ADAP1: variants seen among roughly 807,000 people sequenced by gnomAD.
The protein encoded by ADAP1 is ArfGAP with dual PH domains 1.
ADAP1 carries 31 observed loss-of-function variants against 54.9 expected under a neutral mutation model. That is an observed-to-expected ratio of 0.56 (90% CI 0.42 to 0.76). The LOEUF is 0.76. ADAP1 is among the 30% of genes least tolerant of loss of function. The pLI is 0.00. For synonymous variants in ADAP1, 313 were observed against 202.6 expected (o/e 1.55, Z -4.63); for missense variants, 535 against 512.4 (o/e 1.04, Z -0.42).
rs61000036 is a variant in ADAP1, at chr7:906,526, G to GA, written c.389-1355_389-1354insT. On this transcript the variant is annotated intron_variant, in intron 4 of 10. Coordinates refer to ENST00000265846, the MANE Select transcript of ADAP1 (RefSeq NM_006869.4). Reference sequence around the variant, plus strand: ...AAGGGAGAAAGGAGAAAGGAGAAAGGGAAAGGAGAAAGGAGAAGGGAGAAA... The same window carrying GA: ...AAGGGAGAAAGGAGAAAGGAGAAAGGAGAAAGGAGAAAGGAGAAGGGAGAAA... 6.9e-4 allele frequency among the ~76,000 whole-genome samples: 18 copies of GA among 26,228 alleles called. 2 individuals carry two copies. Among genetic ancestry groups the GA allele is most frequent in the Non-Finnish European group, 8.8e-4 (12 of 13,592 alleles). The allele number at this position is 26,228 out of a possible 152,430, so 17.2% of individuals were successfully genotyped here. A position where few individuals can be genotyped will look rare whatever the true frequency, so the allele number is the denominator to read the frequency against.
chr7:908,299 C>T (rs762553937), intron 4 of ADAP1, among the ~76,000 whole-genome samples: 10 of 152,216 alleles, frequency 6.6e-5, no homozygotes, highest in Non-Finnish European at 1.0e-4. Context: ...AGCCCCATCC[C>T]GACACCAGAG....
At chr7:906,492 G>T (rs1251241044) in intron 4 of ADAP1, among the ~76,000 whole-genome samples, 8 of 6,612 alleles carry the variant, frequency 1.2e-3, no homozygotes, top group South Asian at 7.8e-3. Flanking sequence ...AGGAGAAAGG[G>T]AAAGGAGAAA....
In ADAP1 at chr7:909,959, T is replaced by C. The variant is rs1450014612; in HGVS notation, c.389-4787A>G. 2.0e-5 allele frequency among the ~76,000 whole-genome samples: 3 copies of C among 152,154 alleles called. No individual in the cohort carries two copies. In the East Asian group the frequency reaches 5.8e-4, roughly 29 times the overall value. On this transcript the variant is annotated intron_variant, in intron 4 of 10. Transcript: ENST00000265846. ...GGAGCTGGGTCCAGTCCACACCCCA[T>C]GCCCTGCTCAGACGCCTCTGAGGAG...
intron 4 of ADAP1, among the ~76,000 whole-genome samples, chr7:913,341 C>T (rs2128101802): frequency 6.6e-6 from 1 of 151,964 alleles, no homozygotes; most frequent in South Asian, 2.1e-4. Context: ...GCTGGGACTA[C>T]AGGCGCCCGC....
At chr7:918,694 G>A (rs536333254) in intron 4 of ADAP1, among the ~76,000 whole-genome samples, 26 of 152,318 alleles carry the variant, frequency 1.7e-4, no homozygotes, top group African/African-American at 6.0e-4. Flanking sequence ...AGGCCCTAGG[G>A]CTAGGCTTGC....
chr7:904,634 G>C (rs928582861), intron 5 of ADAP1, among the ~76,000 whole-genome samples: 2 of 152,238 alleles, frequency 1.3e-5, no homozygotes, highest in African/African-American at 2.4e-5. Context: ...GGGTGCTTCT[G>C]ACCATCAGCC....
intron 4 of ADAP1, among the ~76,000 whole-genome samples, chr7:906,078 GGGAAA>G (rs1180705266): frequency 2.4e-4 from 4 of 16,602 alleles, no homozygotes; most frequent in African/African-American, 5.9e-4. Flanking sequence ...AAAGGAGAAA[GGGAAA>G]GGAGAAAGGG....
chr7:942,442 A>G (rs1846972472), intron 1 of ADAP1, among the ~76,000 whole-genome samples: 1 of 73,744 alleles, frequency 1.4e-5, no homozygotes, highest in African/African-American at 5.1e-5. Context: ...GAAGGGAGAG[A>G]GGAGGAGGAA....
intron 6 of ADAP1, among the ~76,000 whole-genome samples, chr7:903,608 G>T (rs887244192): frequency 2.0e-5 from 3 of 152,094 alleles, no homozygotes; most frequent in Non-Finnish European, 4.4e-5. Flanking sequence ...AGCTTTTGTG[G>T]GGGTTTTACC....
intron 4 of ADAP1, among the ~76,000 whole-genome samples, chr7:905,778 A>AAAGGG (rs1845222251): frequency 5.0e-5 from 1 of 20,154 alleles, no homozygotes; most frequent in African/African-American, 1.5e-4. Flanking sequence ...AGGAGAAAGG[A>AAAGGG]GAAAGGAGAA....
intron 4 of ADAP1, among the ~76,000 whole-genome samples, chr7:919,444 A>C (rs1277978910): frequency 6.6e-6 from 1 of 151,948 alleles, no homozygotes; most frequent in African/African-American, 2.4e-5. Flanking sequence ...CGTCACTCAG[A>C]GGGCAAAACA....
In ADAP1 at chr7:945,844, C is replaced by A; in HGVS notation, c.82+8552G>T. 2.0e-6 allele frequency: 2 copies of A among 985,578 alleles called. No individual in the cohort carries two copies. Among genetic ancestry groups the A allele is most frequent in the Non-Finnish European group, 2.4e-6 (2 of 829,996 alleles). The allele number at this position is 985,578 out of a possible 1,614,324, so 61.1% of individuals were successfully genotyped here. A position where few individuals can be genotyped will look rare whatever the true frequency, so the allele number is the denominator to read the frequency against. On this transcript the variant is annotated intron_variant, in intron 1 of 10. Coordinates refer to ENST00000265846, the MANE Select transcript of ADAP1 (RefSeq NM_006869.4). The surrounding 1 kb of genome is among the most constrained non-coding windows in gnomAD (Gnocchi z 4.2). ...GGCACCTGGGCAGGTGAGCCACATT[C>A]TTGGGCGGAGCCAGGTGGGGCAGGC...
At chr7:915,248 G>GCA (rs1845887591) in intron 4 of ADAP1, among the ~76,000 whole-genome samples, 1 of 37,932 alleles carries the variant, frequency 2.6e-5, no homozygotes, top group Admixed American at 2.6e-4. Context: ...CCTCGCCTGT[G>GCA]CATCTCACCT....
chr7:932,722 G>C (rs1272794810), intron 2 of ADAP1, among the ~76,000 whole-genome samples: 1 of 152,126 alleles, frequency 6.6e-6, no homozygotes, highest in Non-Finnish European at 1.5e-5. Flanking sequence ...GAAGGGCGAA[G>C]GGACGGATAT....
Position 899,455 on chromosome 7 carries a change from C to A in ADAP1, c.831G>T (p.Met277Ile). 3.7e-6 allele frequency: 6 copies of A among 1,613,206 alleles called. No individual in the cohort carries two copies. Among genetic ancestry groups the A allele is most frequent in the Non-Finnish European group, 5.1e-6 (6 of 1,179,908 alleles). ...TGAAGTACATGAGCCTGCGGTCATC[C>A]ATGGTGAACCAGCGCTTCCGGAAGC... is the stretch of plus-strand genomic sequence containing the variant. ...TEGFRKRWFT[M>I]DDRRLMYFKD... is the part of the protein sequence containing the mutation. The change falls in exon 9 of 11, where the codon ATG becomes ATT. Residue 277 changes from methionine to isoleucine, a missense_variant. Transcript: ENST00000265846.
At chr7:927,738 T>C (rs1009649464) in intron 2 of ADAP1, among the ~76,000 whole-genome samples, 1 of 152,152 alleles carries the variant, frequency 6.6e-6, no homozygotes, top group African/African-American at 2.4e-5. Flanking sequence ...GGATGAGAAA[T>C]GTCCCAGGTC....
At chr7:939,178 C>T (rs1846866233) in intron 1 of ADAP1, among the ~76,000 whole-genome samples, 1 of 152,176 alleles carries the variant, frequency 6.6e-6, no homozygotes, top group Non-Finnish European at 1.5e-5. Flanking sequence ...CGGTCGTTGA[C>T]TAGCTGTGAT....
At chr7:919,269 G>T (rs891267384) in intron 4 of ADAP1, among the ~76,000 whole-genome samples, 1 of 152,194 alleles carries the variant, frequency 6.6e-6, no homozygotes, top group Non-Finnish European at 1.5e-5. Context: ...TTCAGGTCCT[G>T]CCCACACTGC....
chr7:899,458 G>A lies in ADAP1; in HGVS notation c.828C>T (p.Thr276=), dbSNP rs769676942. The A allele has an allele frequency of 1.2e-6, 2 of 1,613,198 alleles. No individual in the cohort carries two copies. The highest frequency in any genetic ancestry group is 2.2e-5 in the East Asian group (1 of 44,866). The change falls in exon 9 of 11, where the codon ACC becomes ACT. Residue 276 remains threonine, a synonymous_variant. Transcript: ENST00000265846. ...QTEGFRKRWF[T]MDDRRLMYFK... is the part of the protein sequence containing the mutation. ...AGTACATGAGCCTGCGGTCATCCAT[G>A]GTGAACCAGCGCTTCCGGAAGCCTT... is the stretch of plus-strand genomic sequence containing the variant.
Sources: allele counts gnomAD v4.1 joint callset (sites outside exome capture counted in the v4.1 genomes callset), GRCh38; gene constraint gnomAD v4.1.1; non-coding constraint Gnocchi (gnomAD v3.1); transcripts MANE v1.5; gene names NCBI Gene and HGNC (gene_info 2026-07-23, HGNC 2026-07-21).